Variants in OTOP3 observed in about 807,000 individuals in gnomAD.
OTOP3 encodes otopetrin 3, also known as proton channel OTOP3.
A neutral mutation model predicts 50.8 loss-of-function variants in OTOP3; 41 were observed. The ratio of observed to expected loss-of-function variants is 0.81; its 90% confidence interval spans 0.63 to 1.05. OTOP3 has a LOEUF of 1.05. Ranked by LOEUF, OTOP3 falls within the 50% of genes least tolerant of loss-of-function variation. OTOP3 has a pLI of 0.00. For missense variants in OTOP3, 788 were observed against 760.8 expected, an observed-to-expected ratio of 1.04 and a Z score of -0.42; for synonymous variants, 320 against 324.4, an observed-to-expected ratio of 0.99 and a Z score of 0.14.
In OTOP3 at chr17:74,935,911, A is replaced by G. The variant is rs1371259165; in HGVS notation, c.-11A>G. On this transcript the variant is annotated 5_prime_UTR_variant, in exon 1 of 7. Transcript: ENST00000328801. ...CGCTCAGCGCCCGCAGTCGGTGGTT[A>G]GCCCACGGCGATGCCTCTCCCGGCC... 3.2e-6 allele frequency: 5 copies of G among 1,546,340 alleles called. No individual in the cohort carries two copies. Among genetic ancestry groups the G allele is most frequent in the Non-Finnish European group, 3.5e-6 (4 of 1,146,696 alleles).
intron 1 of OTOP3, among the ~76,000 whole-genome samples, chr17:74,936,821 G>A (rs979412945): frequency 6.6e-5 from 10 of 152,132 alleles, no homozygotes; most frequent in African/African-American, 2.4e-4. Context: ...AAAAGAACTG[G>A]AAGGAAATGC....
At chr17:74,949,173 G>T in intron 6 of OTOP3, 73 bp from the exon 7 acceptor site, 1 of 1,522,054 alleles carries the variant, frequency 6.6e-7, no homozygotes, top group Non-Finnish European at 9.0e-7. Context: ...AGGTTTGGGG[G>T]CTGCCTCCCC....
At chr17:74,943,996 G>A (rs985434120) in intron 5 of OTOP3, among the ~76,000 whole-genome samples, 9 of 152,216 alleles carry the variant, frequency 5.9e-5, no homozygotes, top group Admixed American at 5.2e-4. Context: ...CTGGCTGAGA[G>A]AGCCACTAAG....
chr17:74,936,528 C>G (rs1195576966), intron 1 of OTOP3, among the ~76,000 whole-genome samples: 2 of 152,216 alleles, frequency 1.3e-5, no homozygotes, highest in Non-Finnish European at 2.9e-5. Flanking sequence ...CTTGTCAGTT[C>G]CAGGTGCCCT....
intron 3 of OTOP3, among the ~76,000 whole-genome samples, chr17:74,942,554 CCAGGAGG>C (rs1229182098): frequency 6.6e-6 from 1 of 151,718 alleles, no homozygotes; most frequent in South Asian, 2.1e-4. Context: ...TCGCTTGAAC[CCAGGAGG>C]CAGAGGTTGC....
At chr17:74,945,984 G>GTT (rs36000752) in intron 5 of OTOP3, among the ~76,000 whole-genome samples, 4,779 of 148,348 alleles carry the variant, frequency 0.032, 225 homozygotes, top group African/African-American at 0.11. Context: ...GTTTTTTGTG[G>GTT]TTTTTTTTTT....
intron 1 of OTOP3, among the ~76,000 whole-genome samples, chr17:74,940,298 T>C (rs1328803658): frequency 2.0e-5 from 3 of 151,664 alleles, no homozygotes; most frequent in Non-Finnish European, 4.4e-5. Context: ...TCAGCCACCA[T>C]GCTCAGCCTA....
In OTOP3 at chr17:74,949,724, C is replaced by T; in HGVS notation, c.*308C>T. 1 of 339,686 alleles carries T rather than the reference C, an allele frequency of 2.9e-6. No individual in the cohort carries two copies. The allele number at this position is 339,686 out of a possible 1,614,324, so 21.0% of individuals were successfully genotyped here. A position where few individuals can be genotyped will look rare whatever the true frequency, so the allele number is the denominator to read the frequency against. ...TGGCAGGGGCCCCCTCACGGCTACTCTGTGGGAGGGTCAGACCTACATGAC... is the reference window on the plus strand; with the variant it reads ...TGGCAGGGGCCCCCTCACGGCTACTTTGTGGGAGGGTCAGACCTACATGAC... On this transcript the variant is annotated 3_prime_UTR_variant, in exon 7 of 7. Coordinates refer to ENST00000328801, the MANE Select transcript of OTOP3 (RefSeq NM_001272005.2).
Position 74,946,878 on chromosome 17 carries a change from G to T in OTOP3, c.969G>T (p.Pro323=). 1 of 1,610,572 alleles carries T rather than the reference G, an allele frequency of 6.2e-7. No individual in the cohort carries two copies. ...ACCTGCACGGGGCCATCTTCGGGCC[G>T]CTGCTGGGCCTGCTGGTGCTGCTGG... ...PFHLHGAIFG[P]LLGLLVLLAG... is the part of the protein sequence containing the mutation. The change falls in exon 6 of 7, where the codon CCG becomes CCT. Residue 323 remains proline, a synonymous_variant. Coordinates refer to ENST00000328801, the MANE Select transcript of OTOP3 (RefSeq NM_001272005.2).
intron 1 of OTOP3, among the ~76,000 whole-genome samples, chr17:74,937,138 TA>T (rs1231709165): frequency 6.6e-6 from 1 of 152,002 alleles, no homozygotes; most frequent in Non-Finnish European, 1.5e-5. Context: ...AATTGTTTGG[TA>T]TTTTTTGTAG....
At chr17:74,945,387 A>G (rs1408111110) in intron 5 of OTOP3, among the ~76,000 whole-genome samples, 1 of 152,220 alleles carries the variant, frequency 6.6e-6, no homozygotes, top group Non-Finnish European at 1.5e-5. Context: ...AGTTAGCCCC[A>G]GAAATGTCTT....
intron 5 of OTOP3, 71 bp downstream of exon 5, chr17:74,943,795 TA>T: frequency 1.0e-6 from 1 of 998,734 alleles, no homozygotes; most frequent in Non-Finnish European, 1.5e-6. Context: ...CACACACACA[TA>T]AACGCTACAC....
upstream of OTOP3, chr17:74,935,846 G>A (rs2039108743): frequency 1.0e-5 from 16 of 1,531,726 alleles, no homozygotes; most frequent in Middle Eastern, 1.7e-4. Context: ...CCCGCTGGGG[G>A]AGGGCGTCGC....
rs144305501 is a variant in OTOP3, at chr17:74,939,992, T to C, written c.20-1401T>C. Among the ~76,000 whole-genome samples the C allele has an allele frequency of 6.8e-3, 1,035 of 152,044 alleles. 6 individuals carry two copies. Among genetic ancestry groups the C allele is most frequent in the Middle Eastern group, 0.014 (4 of 290 alleles). On this transcript the variant is annotated intron_variant, in intron 1 of 6. Transcript: ENST00000328801. Reference sequence around the variant, plus strand: ...GGTCCAATCATAGCTCACTGCAACCTTGATTTCCTGGGCTCAAGCCATCCT... The same window carrying C: ...GGTCCAATCATAGCTCACTGCAACCCTGATTTCCTGGGCTCAAGCCATCCT...
In OTOP3 at chr17:74,941,614, G is replaced by T. The variant is rs764038609; in HGVS notation, c.241G>T (p.Val81Leu). The T allele has an allele frequency of 1.4e-5, 23 of 1,613,804 alleles. No individual in the cohort carries two copies. In the South Asian group the frequency reaches 2.3e-4, roughly 16 times the overall value. The change falls in exon 2 of 7, where the codon GTG (valine) becomes TTG (leucine). Residue 81 changes from valine to leucine, a missense_variant. Physicochemically the swap from Val to Leu is conservative, Grantham distance 32. Transcript: ENST00000328801. ...LFSGLLALNVVFLGGAFICSM... is the reference protein window; with the variant it reads ...LFSGLLALNVLFLGGAFICSM... ...CTCGGGGCTCCTGGCCCTGAATGTG[G>T]TGTTCCTGGGTGGCGCCTTCATCTG...
chr17:74,936,960 C>CTT lies in OTOP3; in HGVS notation c.19+1020_19+1021insTT, dbSNP rs1173007266. On this transcript the variant is annotated intron_variant, in intron 1 of 6. Coordinates refer to ENST00000328801, the MANE Select transcript of OTOP3 (RefSeq NM_001272005.2). ...TATTCGGCATTCATCACCCCCCCAC[C>CTT]CTTTTTTTTTTTTTTTTTTTGAGAC... Among the ~76,000 whole-genome samples the CTT allele has an allele frequency of 2.2e-3, 86 of 39,438 alleles. 3 individuals carry two copies. Among genetic ancestry groups the CTT allele is most frequent in the South Asian group, 5.7e-3 (5 of 872 alleles). The allele number at this position is 39,438 out of a possible 152,430, so 25.9% of individuals were successfully genotyped here.
chr17:74,944,745 G>A (rs1567951596), intron 5 of OTOP3, among the ~76,000 whole-genome samples: 1 of 152,102 alleles, frequency 6.6e-6, no homozygotes, highest in African/African-American at 2.4e-5. Flanking sequence ...TGACAAGAGT[G>A]AAACTGTCAT....
Position 74,947,228 on chromosome 17 carries a change from T to A in OTOP3, c.1319T>A (p.Ile440Asn), listed in dbSNP as rs767469827. Residue 440 changes from isoleucine (I) to asparagine (N), a missense_variant, in exon 6 of 7, where the codon ATC (isoleucine) becomes AAC (asparagine). Ile to Asn is a moderately radical substitution (Grantham distance 149). Transcript: ENST00000328801. ...RLILAYSLLL[I>N]LQHIAQNLFI... ...ATCCTGGCCTACTCGCTGCTGCTCA[T>A]CCTGCAGCACATCGCTCAGAACCTC... The A allele has an allele frequency of 1.9e-6, 3 of 1,613,966 alleles. No homozygotes were observed. The East Asian group carries it at 6.7e-5, about 36-fold the overall frequency.
In OTOP3 at chr17:74,949,644, C is replaced by T; in HGVS notation, c.*228C>T. ...GCCCACGGCCAGGCCTGGGCACATG[C>T]CTGCCCCCTGCCTTCCCACCACGAT... On this transcript the variant is annotated 3_prime_UTR_variant, in exon 7 of 7. Transcript: ENST00000328801. 2 of 532,040 alleles carry T rather than the reference C, an allele frequency of 3.8e-6. No individual in the cohort carries two copies. The highest frequency in any genetic ancestry group is 3.3e-6 in the Non-Finnish European group (1 of 306,048). The allele number at this position is 532,040 out of a possible 1,614,324, so 33.0% of individuals were successfully genotyped here.
Sources: allele counts gnomAD v4.1 joint callset (sites outside exome capture counted in the v4.1 genomes callset), GRCh38; gene constraint gnomAD v4.1.1; transcripts MANE v1.5; gene names NCBI Gene and HGNC (gene_info 2026-07-23, HGNC 2026-07-21).